The following RPGRIP1L variants were observed in gnomAD, a reference collection of about 807,000 sequenced individuals.
RPGRIP1L encodes the protein protein fantom.
RPGRIP1L carries 131 observed loss-of-function variants against 160.4 expected under a neutral mutation model. That is an observed-to-expected ratio of 0.82 (90% CI 0.71 to 0.94). The LOEUF (loss-of-function observed/expected upper bound fraction) is 0.94. Ranked by LOEUF, RPGRIP1L falls within the 40% of genes least tolerant of loss-of-function variation. The pLI is 0.00. For missense variants in RPGRIP1L, 1,522 were observed against 1,535.8 expected (o/e 0.99, Z 0.15); for synonymous variants, 510 against 515.8 (o/e 0.99, Z 0.15).
Position 53,622,363 on chromosome 16 carries a change from C to CA in RPGRIP1L, c.3295-8dup, listed in dbSNP as rs113083177. 28,414 of 429,872 alleles carry CA rather than the reference C, an allele frequency of 0.066. 17 individuals are homozygous for CA. The highest frequency in any genetic ancestry group is 0.08 in the Middle Eastern group (134 of 1,668). 26.6% of individuals were successfully genotyped at this position (429,872 alleles called of 1,614,324 possible). ...CGGGAGACAATGCGAGACTCTGTCT[C>CA]AAAAAAAAAAAAAAAATCTTAAGAT... On this transcript the variant is annotated splice_polypyrimidine_tract_variant and splice_region_variant and intron_variant, in intron 22 of 26. Transcript: ENST00000647211.
chr16:53,682,651 C>T (rs1302355779), intron 6 of RPGRIP1L, among the ~76,000 whole-genome samples: 2 of 152,188 alleles, frequency 1.3e-5, no homozygotes, highest in Non-Finnish European at 2.9e-5. Flanking sequence ...CTGCCCCAAG[C>T]TTGAGCTTGG....
chr16:53,603,709 T>TGTGTGTGTGTGTGTGTG (rs1567787230), intron 26 of RPGRIP1L, among the ~76,000 whole-genome samples: 1 of 150,272 alleles, frequency 6.7e-6, no homozygotes, highest in South Asian at 2.1e-4. Context: ...TGTGTGTGTG[T>TGTGTGTGTGTGTGTGTG]TTAATTCCAA....
chr16:53,653,445 G>T, intron 14 of RPGRIP1L: 2 of 651,896 alleles, frequency 3.1e-6, no homozygotes, highest in Non-Finnish European at 3.8e-6. Context: ...TGATCATGAT[G>T]ATGGTTTCAC....
intron 6 of RPGRIP1L, among the ~76,000 whole-genome samples, chr16:53,679,275 T>A (rs1969432444): frequency 6.6e-6 from 1 of 152,156 alleles, no homozygotes; most frequent in African/African-American, 2.4e-5. Flanking sequence ...GGAAGGGTAC[T>A]CCCAAAGGCT....
intron 6 of RPGRIP1L, among the ~76,000 whole-genome samples, chr16:53,678,137 C>T (rs1024154994): frequency 7.0e-6 from 1 of 143,238 alleles, no homozygotes; most frequent in Non-Finnish European, 1.5e-5. Flanking sequence ...TTTCTCTTTC[C>T]TTTTTTTTTT....
At position 53,619,061 on chromosome 16, in the gene RPGRIP1L, T is replaced by G; in HGVS notation, c.3580A>C (p.Lys1194Gln). ...EETPVSLPKPKSGQWVYYNYS... is the reference protein window; with the variant it reads ...EETPVSLPKPQSGQWVYYNYS... ...TTATAGTAGACCCACTGCCCACTCT[T>G]GGGTTTTGGAAGTGACACGGGTGTC... The change falls in exon 24 of 27, where the codon AAG becomes CAG. Residue 1194 changes from lysine to glutamine, a missense_variant. Physicochemically the swap from Lys to Gln is moderately conservative, Grantham distance 53. Transcript: ENST00000647211. 1.2e-6 allele frequency: 2 copies of G among 1,614,020 alleles called. No homozygotes were observed. The highest frequency in any genetic ancestry group is 1.7e-6 in the Non-Finnish European group (2 of 1,179,938).
At chr16:53,646,063 T>A in intron 16 of RPGRIP1L, 60 bp from the exon 17 acceptor site, 1 of 1,475,176 alleles carries the variant, frequency 6.8e-7, no homozygotes, top group Non-Finnish European at 9.4e-7. Flanking sequence ...GAACAGCAGC[T>A]GCCAAGCCCC....
chr16:53,633,804 T>A (rs9939634), intron 22 of RPGRIP1L, among the ~76,000 whole-genome samples: 2,781 of 152,270 alleles, frequency 0.018, 99 homozygotes, highest in African/African-American at 0.065. Context: ...AGACTTAAAA[T>A]CTATGAATCC....
chr16:53,625,354 G>A (rs1379425214), intron 22 of RPGRIP1L, among the ~76,000 whole-genome samples: 1 of 149,822 alleles, frequency 6.7e-6, no homozygotes, highest in East Asian at 2.0e-4. Context: ...GTGGTGGGGA[G>A]CGCCTCCGCC....
In RPGRIP1L at chr16:53,610,997, A is replaced by C; in HGVS notation, c.3671T>G (p.Ile1224Arg). ...ATTAGGCATCTCTTGTTTTTGTAGT[A>C]TAGCTTTTAAGATGTCTCTCTTTGC... ...NKAKRDILKA[I>R]LQKQEMPNRS... Residue 1224 changes from isoleucine to arginine, a missense_variant, in exon 25 of 27, where the codon ATA becomes AGA. Ile to Arg is a moderately conservative substitution (Grantham distance 97). Coordinates refer to ENST00000647211, the MANE Select transcript of RPGRIP1L (RefSeq NM_015272.5). 2 of 1,612,870 alleles carry C rather than the reference A, an allele frequency of 1.2e-6. No individual in the cohort carries two copies. Among genetic ancestry groups the C allele is most frequent in the Non-Finnish European group, 1.7e-6 (2 of 1,178,950 alleles).
chr16:53,680,387 T>C (rs28635105), intron 6 of RPGRIP1L, among the ~76,000 whole-genome samples: 1 of 152,030 alleles, frequency 6.6e-6, no homozygotes, highest in African/African-American at 2.4e-5. Context: ...ATTAGGGGGT[T>C]GGGCAATCAG....
At chr16:53,679,809 G>A (rs1411614141) in intron 6 of RPGRIP1L, among the ~76,000 whole-genome samples, 1 of 152,122 alleles carries the variant, frequency 6.6e-6, no homozygotes, top group African/African-American at 2.4e-5. Context: ...TGAACACAAG[G>A]TCCCTAGAGA....
rs936464901 is a variant in RPGRIP1L at position 53,615,717 on chromosome 16, G to A, written c.3616+3308C>T. 5.9e-5 allele frequency among the ~76,000 whole-genome samples: 9 copies of A among 151,510 alleles called. No homozygotes were observed. The South Asian group carries it at 8.3e-4, about 14-fold the overall frequency. On this transcript the variant is annotated intron_variant, in intron 24 of 26. Transcript: ENST00000647211. Reference sequence around the variant, plus strand: ...TCAAACTCATGATCTGCCCACCTCCGCCTCCCAAAGTGCTGGGATTTCAGG... The same window carrying A: ...TCAAACTCATGATCTGCCCACCTCCACCTCCCAAAGTGCTGGGATTTCAGG...
At chr16:53,640,613 C>T (rs1334506143) in intron 19 of RPGRIP1L, among the ~76,000 whole-genome samples, 1 of 151,976 alleles carries the variant, frequency 6.6e-6, no homozygotes, top group Admixed American at 6.6e-5. Flanking sequence ...GTCAAATGCT[C>T]CTGGGAGATG....
intron 4 of RPGRIP1L, among the ~76,000 whole-genome samples, chr16:53,689,214 C>G (rs1356699001): frequency 6.6e-6 from 1 of 151,946 alleles, no homozygotes. Context: ...TTTAGGATAT[C>G]CATCACCTTG....
intron 22 of RPGRIP1L, among the ~76,000 whole-genome samples, chr16:53,631,547 A>C (rs1965520065): frequency 6.6e-6 from 1 of 152,096 alleles, no homozygotes; most frequent in Non-Finnish European, 1.5e-5. Context: ...TGGATTGTTA[A>C]TTTTTTTTAA....
intron 22 of RPGRIP1L, among the ~76,000 whole-genome samples, chr16:53,624,810 T>A (rs930446814): frequency 8.8e-6 from 1 of 113,776 alleles, no homozygotes; most frequent in Non-Finnish European, 1.6e-5. Flanking sequence ...ACGGTCTCCC[T>A]CTGTTGCCCA....
intron 26 of RPGRIP1L, among the ~76,000 whole-genome samples, chr16:53,603,940 C>T (rs564454134): frequency 2.0e-5 from 3 of 152,200 alleles, no homozygotes; most frequent in Non-Finnish European, 2.9e-5. Context: ...AACATGGCCA[C>T]AATAGCTGAT....
intron 15 of RPGRIP1L, among the ~76,000 whole-genome samples, chr16:53,650,313 T>C (rs187150145): frequency 2.2e-4 from 33 of 152,294 alleles, no homozygotes; most frequent in Admixed American, 1.2e-3. Flanking sequence ...CACCTTGATA[T>C]TGGACTTAGG....
Sources: allele counts gnomAD v4.1 joint callset (sites outside exome capture counted in the v4.1 genomes callset), GRCh38; gene constraint gnomAD v4.1.1; transcripts MANE v1.5; gene names NCBI Gene and HGNC (gene_info 2026-07-23, HGNC 2026-07-21).